The following TRAPPC9 variants were observed in gnomAD, a reference collection of about 807,000 sequenced individuals.
The protein encoded by TRAPPC9 is IKK2 binding protein.
TRAPPC9 carries 83 observed loss-of-function variants against 124.0 expected under a neutral mutation model. The observed-to-expected ratio is 0.67, with a 90% confidence interval of 0.56 to 0.80. The LOEUF is 0.80. Ranked by LOEUF, TRAPPC9 falls within the 30% of genes least tolerant of loss-of-function variation. The pLI, the probability that TRAPPC9 is intolerant of heterozygous loss-of-function variation, is 0.00. For missense variants in TRAPPC9, 1,302 were observed against 1,508.3 expected, an observed-to-expected ratio of 0.86 and a Z score of 2.27; for synonymous variants, 638 against 617.5, an observed-to-expected ratio of 1.03 and a Z score of -0.49.
intron 19 of TRAPPC9, among the ~76,000 whole-genome samples, chr8:139,927,624 T>C (rs1315578693): frequency 6.6e-6 from 1 of 152,118 alleles, no homozygotes; most frequent in Non-Finnish European, 1.5e-5. Context: ...CCAAGAGCAA[T>C]GAAAATACGT....
chr8:140,005,908 TAAA>T (rs757182607), intron 18 of TRAPPC9, among the ~76,000 whole-genome samples: 14 of 104,158 alleles, frequency 1.3e-4, no homozygotes, highest in Admixed American at 5.1e-4. Context: ...AGACCCTGTC[TAAA>T]AAAAAAAAAA....
At chr8:140,207,581 C>T (rs2062956919) in intron 17 of TRAPPC9, among the ~76,000 whole-genome samples, 1 of 152,196 alleles carries the variant, frequency 6.6e-6, no homozygotes, top group Non-Finnish European at 1.5e-5. Context: ...CTGGTGGCGG[C>T]TGGTTTTAAG....
rs373577777 is a variant in TRAPPC9 at position 140,195,921 on chromosome 8, C to T, written c.2556+25538G>A. Among the ~76,000 whole-genome samples, 50 of 73,682 alleles carry T rather than the reference C, an allele frequency of 6.8e-4. 1 individual carries two copies. The highest frequency in any genetic ancestry group is 2.0e-3 in the African/African-American group (42 of 21,094). The allele number at this position is 73,682 out of a possible 152,430, so 48.3% of individuals were successfully genotyped here. A position where few individuals can be genotyped will look rare whatever the true frequency, so the allele number is the denominator to read the frequency against. ...ATCTGTGACACTAAAACACACTCAA[C>T]GATCCACCATACAGATCACACCTGT... On this transcript the variant is annotated intron_variant, in intron 17 of 22. Transcript: ENST00000438773.
At chr8:140,155,590 G>C (rs529882378) in intron 17 of TRAPPC9, among the ~76,000 whole-genome samples, 2 of 152,244 alleles carry the variant, frequency 1.3e-5, no homozygotes, top group East Asian at 3.9e-4. Context: ...TCCAACCCTC[G>C]GGCTCTAAGA....
rs765656679 is a variant in TRAPPC9 at position 140,018,324 on chromosome 8, A to ATTTTTTCTTTTTTTTTTTTTTTTTTTTTT, written c.2699+5612_2699+5613insAAAAAAAAAAAAAAAAAAAAAAGAAAAAA. Among the ~76,000 whole-genome samples the ATTTTTTCTTTTTTTTTTTTTTTTTTTTTT allele has an allele frequency of 2.9e-4, 35 of 119,758 alleles. 7 individuals are homozygous for ATTTTTTCTTTTTTTTTTTTTTTTTTTTTT. Among genetic ancestry groups the ATTTTTTCTTTTTTTTTTTTTTTTTTTTTT allele is most frequent in the African/African-American group, 9.1e-4 (28 of 30,648 alleles). 78.6% of individuals were successfully genotyped at this position (119,758 alleles called of 152,430 possible). ...TTGCTGGTATATAGAAACGTAAGTG[A>ATTTTTTCTTTTTTTTTTTTTTTTTTTTTT]TTTTTTTTTTTTTTTTTGAGACGGA... On this transcript the variant is annotated intron_variant, in intron 18 of 22. Coordinates refer to ENST00000438773, the MANE Select transcript of TRAPPC9 (RefSeq NM_001160372.4).
chr8:139,733,747 C>T (rs748866106), intron 21 of TRAPPC9, among the ~76,000 whole-genome samples: 9 of 152,246 alleles, frequency 5.9e-5, no homozygotes, highest in East Asian at 1.9e-4. Flanking sequence ...CATCCTGGGC[C>T]GGGCCTGGTG....
intron 15 of TRAPPC9, among the ~76,000 whole-genome samples, chr8:140,255,339 A>C (rs920033102): frequency 3.3e-5 from 5 of 152,250 alleles, no homozygotes; most frequent in African/African-American, 1.2e-4. Context: ...GTAACAGGTC[A>C]TTCAGCTGTC....
intron 17 of TRAPPC9, among the ~76,000 whole-genome samples, chr8:140,037,628 A>G (rs1347159783): frequency 2.0e-5 from 3 of 150,062 alleles, no homozygotes; most frequent in Admixed American, 1.3e-4. Context: ...ACAGACACAT[A>G]CACACACACA....
intron 21 of TRAPPC9, among the ~76,000 whole-genome samples, chr8:139,819,242 T>G (rs143326972): frequency 3.3e-5 from 5 of 152,078 alleles, no homozygotes; most frequent in African/African-American, 7.2e-5. Flanking sequence ...TCTCCCATCA[T>G]CCCCAGATGG....
chr8:140,428,956 C>T (rs2070527564), intron 4 of TRAPPC9, among the ~76,000 whole-genome samples: 1 of 152,164 alleles, frequency 6.6e-6, no homozygotes, highest in African/African-American at 2.4e-5. Flanking sequence ...TGGCCAACCC[C>T]CTGACTGATG....
At chr8:139,804,439 T>C (rs893904503) in intron 21 of TRAPPC9, among the ~76,000 whole-genome samples, 1,150 of 14,456 alleles carry the variant, frequency 0.08, no homozygotes, top group Admixed American at 0.12. Flanking sequence ...CCAAGCACCA[T>C]CACCACCACT....
chr8:139,760,473 G>A (rs997620186), intron 21 of TRAPPC9, among the ~76,000 whole-genome samples: 1 of 152,170 alleles, frequency 6.6e-6, no homozygotes, highest in African/African-American at 2.4e-5. Context: ...GCAAAGTAGC[G>A]AAGGTTCTCT....
intron 3 of TRAPPC9, among the ~76,000 whole-genome samples, chr8:140,436,428 T>A (rs2070816664): frequency 6.6e-6 from 1 of 152,202 alleles, no homozygotes; most frequent in African/African-American, 2.4e-5. Context: ...AAAACAAAAA[T>A]AAAGTACTGG....
chr8:139,859,855 C>G lies in TRAPPC9; in HGVS notation c.3055+26024G>C, dbSNP rs879342079. ...AACCACGATAGGAGAGGGAAGGGAC[C>G]TGCTCTGCTAATTCTTTAATTAAAA... On this transcript the variant is annotated intron_variant, in intron 21 of 22. Coordinates refer to ENST00000438773, the MANE Select transcript of TRAPPC9 (RefSeq NM_001160372.4). Among the ~76,000 whole-genome samples the G allele has an allele frequency of 3.3e-4, 51 of 152,366 alleles. 1 individual carries two copies. Among genetic ancestry groups the G allele is most frequent in the Admixed American group, 3.1e-3 (47 of 15,312 alleles).
chr8:140,196,940 C>T (rs1363398545), intron 17 of TRAPPC9, among the ~76,000 whole-genome samples: 3 of 152,180 alleles, frequency 2.0e-5, no homozygotes, highest in South Asian at 2.1e-4. Flanking sequence ...ACACACACAA[C>T]GATCCACGCG....
At chr8:140,370,855 G>T in intron 8 of TRAPPC9, 109 bp downstream of exon 8, 1 of 1,249,024 alleles carries the variant, frequency 8.0e-7, no homozygotes, top group Non-Finnish European at 1.2e-6. Flanking sequence ...AGTCATTCTG[G>T]AGCCACCAGC....
At chr8:140,163,530 C>T (rs1203825106) in intron 17 of TRAPPC9, among the ~76,000 whole-genome samples, 1 of 152,170 alleles carries the variant, frequency 6.6e-6, no homozygotes, top group Non-Finnish European at 1.5e-5. Context: ...GAATGAAGCG[C>T]TGAATGAATG....
intron 17 of TRAPPC9, among the ~76,000 whole-genome samples, chr8:140,124,069 C>T (rs949451696): frequency 6.6e-6 from 1 of 152,244 alleles, no homozygotes; most frequent in African/African-American, 2.4e-5. Context: ...TAGCCCCCAG[C>T]TGGTTATTTA....
intron 16 of TRAPPC9, among the ~76,000 whole-genome samples, chr8:140,229,251 CTTTTTTTTTTTTTTT>C (rs528175891): frequency 1.0e-5 from 1 of 99,834 alleles, no homozygotes; most frequent in African/African-American, 4.6e-5. Flanking sequence ...TTTTCTTTTT[CTTTTTTTTTTTTTTT>C]TTTTTTTTTT....
Sources: allele counts gnomAD v4.1 joint callset (sites outside exome capture counted in the v4.1 genomes callset), GRCh38; gene constraint gnomAD v4.1.1; transcripts MANE v1.5; gene names NCBI Gene and HGNC (gene_info 2026-07-23, HGNC 2026-07-21).